The following HDAC7 variants were observed in gnomAD, a reference collection of about 807,000 sequenced individuals.
HDAC7 encodes the protein histone deacetylase 7A.
In HDAC7, 26 loss-of-function variants were observed where a neutral mutation model predicts 115.5. The ratio of observed to expected loss-of-function variants is 0.23; its 90% confidence interval spans 0.16 to 0.31. HDAC7 has a LOEUF of 0.31. Among genes scored for constraint, HDAC7 ranks in the 10% least tolerant of loss-of-function variants. The probability of loss-of-function intolerance (pLI) is 1.00; values close to 1 mark genes in which losing one functional copy is unlikely to be tolerated. For missense variants in HDAC7, 1,068 were observed against 1,329.0 expected (o/e 0.80, Z 3.05); for synonymous variants, 564 against 550.9 (o/e 1.02, Z -0.33).
At chr12:47,817,823 T>C (rs1944891120) in intron 1 of HDAC7, 1 of 152,282 alleles carries the variant, frequency 6.6e-6, no homozygotes. Context: ...TGGGCATGCT[T>C]GCCCACAGCT....
chr12:47,802,666 T>G (rs562453876), intron 1 of HDAC7, among the ~76,000 whole-genome samples: 5 of 150,912 alleles, frequency 3.3e-5, no homozygotes, highest in African/African-American at 1.2e-4. Flanking sequence ...AGAGGTGAGG[T>G]GGGGCCAGAG....
rs1451941465 is a variant in HDAC7 at position 47,786,634 on chromosome 12, A to C, written c.2523T>G (p.Ala841=). Residue 841 remains alanine (A), a synonymous_variant, in exon 22 of 26, where the codon GCT becomes GCG. Coordinates refer to ENST00000080059, the MANE Select transcript of HDAC7 (RefSeq NM_015401.5). Reference sequence around the variant, plus strand: ...CCAGTGGGGCCGGGTGACCCTCAGCAGCATCAAATCCAGCAGACACCAGGA... The same window carrying C: ...CCAGTGGGGCCGGGTGACCCTCAGCCGCATCAAATCCAGCAGACACCAGGA... ...DLVLVSAGFD[A]AEGHPAPLGG... 6.2e-7 allele frequency: 1 copy of C among 1,613,984 alleles called. No homozygotes were observed. The highest frequency in any genetic ancestry group is 8.5e-7 in the Non-Finnish European group (1 of 1,180,028).
In HDAC7 at chr12:47,783,824, C is replaced by T; in HGVS notation, c.*17G>A. On this transcript the variant is annotated 3_prime_UTR_variant, in exon 26 of 26. Coordinates refer to ENST00000080059, the MANE Select transcript of HDAC7 (RefSeq NM_015401.5). ...AGGTCCCAAGGGCATGGTGGGCGGG[C>T]AGATGGTTCCAGAGCCTTAGAGATT... 1 of 1,609,210 alleles carries T rather than the reference C, an allele frequency of 6.2e-7. No individual in the cohort carries two copies. The highest frequency in any genetic ancestry group is 8.5e-7 in the Non-Finnish European group (1 of 1,178,436).
chr12:47,793,386 G>C lies in HDAC7; in HGVS notation c.1661C>G (p.Thr554Ser). Residue 554 changes from threonine to serine, a missense_variant, in exon 13 of 26, where the codon ACC becomes AGC. Transcript: ENST00000080059. The surrounding 1 kb of genome is among the most constrained non-coding windows in gnomAD (Gnocchi z 4.5). Reference protein sequence around the residue: ...VLSSSETPARTLPFTTGLIYD... With the variant: ...VLSSSETPARSLPFTTGLIYD... The stretch of plus-strand genomic sequence containing the variant: ...GGTCTCACCTGTGGTGAAGGGCAGG[G>C]TCCTGGCAGGGGTCTCTGAGCTGGA... 1 of 1,548,864 alleles carries C rather than the reference G, an allele frequency of 6.5e-7. No individual in the cohort carries two copies. Among genetic ancestry groups the C allele is most frequent in the African/African-American group, 1.4e-5 (1 of 73,986 alleles).
chr12:47,784,746 T>G, intron 24 of HDAC7: 1 of 1,535,526 alleles, frequency 6.5e-7, no homozygotes, highest in Non-Finnish European at 8.7e-7. Context: ...ATGCTCCTCC[T>G]GCCTGCTGCT....
intron 1 of HDAC7, among the ~76,000 whole-genome samples, chr12:47,811,616 CCTGT>C (rs776878972): frequency 2.6e-5 from 4 of 152,172 alleles, no homozygotes; most frequent in South Asian, 2.1e-4. Context: ...GCTGGTCTGT[CCTGT>C]CTGAGTATCC....
intron 1 of HDAC7, among the ~76,000 whole-genome samples, chr12:47,816,382 G>A (rs576761216): frequency 1.3e-5 from 2 of 152,112 alleles, no homozygotes; most frequent in South Asian, 2.1e-4. Context: ...ACCCCACACA[G>A]GGCCATAACC....
chr12:47,789,983 G>A, intron 16 of HDAC7, 63 bp from the exon 17 acceptor site: 1 of 1,301,970 alleles, frequency 7.7e-7, no homozygotes, highest in South Asian at 1.2e-5. Flanking sequence ...AGGGCCCAAG[G>A]GGGTGGTCCC....
chr12:47,802,707 G>A (rs1432469655), intron 1 of HDAC7, among the ~76,000 whole-genome samples: 1 of 152,142 alleles, frequency 6.6e-6, no homozygotes, highest in East Asian at 1.9e-4. Context: ...GGATGGCTGG[G>A]GGGACAGGAG....
intron 2 of HDAC7, 33 bp from the exon 3 acceptor site, chr12:47,799,005 GAA>G: frequency 7.0e-7 from 1 of 1,422,160 alleles, no homozygotes; most frequent in East Asian, 2.5e-5. Context: ...GGGTAAACTG[GAA>G]AGTTTGTCCT....
rs1943371829 is a variant in HDAC7, at chr12:47,789,637, A to G, written c.2092-59T>C. On this transcript the variant is annotated intron_variant, in intron 17 of 25. Coordinates refer to ENST00000080059, the MANE Select transcript of HDAC7 (RefSeq NM_015401.5). ...ACAGCTCTGACCCACAGCTGCATGA[A>G]CGTACCCCAAGAGTTCCAATCTCAA... The G allele has an allele frequency of 5.7e-6, 9 of 1,575,224 alleles. No homozygotes were observed. In the East Asian group the frequency reaches 1.6e-4, roughly 27 times the overall value.
At position 47,797,244 on chromosome 12, in the gene HDAC7, G is replaced by T. The variant is rs1248813149; in HGVS notation, c.578-102C>A. On this transcript the variant is annotated intron_variant, in intron 6 of 25. Transcript: ENST00000080059. The surrounding 1 kb of genome is among the most constrained non-coding windows in gnomAD (Gnocchi z 5.5). ...TCTCTATCGGTCAAGGAAAGAGAAG[G>T]CAGAACTAGAAAGAAGATCCTAGCC... The T allele has an allele frequency of 3.8e-6, 6 of 1,558,978 alleles. No homozygotes were observed. The highest frequency in any genetic ancestry group is 2.2e-5 in the East Asian group (1 of 44,496).
rs1472492716 is a variant in HDAC7, at chr12:47,793,547, G to A, written c.1500C>T (p.Pro500=). Residue 500 remains proline, a synonymous_variant, in exon 13 of 26, where the codon CCC becomes CCT. Transcript: ENST00000080059. This position sits in a 1 kb window ranked among gnomAD's most constrained non-coding sequence, Gnocchi z 4.5. ...WEQQRLAGRL[P]RGSTGDTVLL... is the part of the protein sequence containing the mutation. Reference sequence around the variant, plus strand: ...GCACAGTGTCCCCGGTGCTGCCCCGGGGGAGCCGCCCAGCCAGTCGCTGCT... The same window carrying A: ...GCACAGTGTCCCCGGTGCTGCCCCGAGGGAGCCGCCCAGCCAGTCGCTGCT... The A allele has an allele frequency of 1.3e-6, 2 of 1,546,748 alleles. No individual in the cohort carries two copies. Among genetic ancestry groups the A allele is most frequent in the South Asian group, 1.2e-5 (1 of 83,904 alleles).
At position 47,797,410 on chromosome 12, in the gene HDAC7, G is replaced by T; in HGVS notation, c.551C>A (p.Pro184Gln). Residue 184 changes from proline to glutamine, a missense_variant, in exon 6 of 26, where the codon CCA (proline) becomes CAA (glutamine). Around this residue, in one of 6 missense-constraint regions of HDAC7, gnomAD observed 618 missense variants for 701.5 expected, o/e 0.88. Coordinates refer to ENST00000080059, the MANE Select transcript of HDAC7 (RefSeq NM_015401.5). This position sits in a 1 kb window ranked among gnomAD's most constrained non-coding sequence, Gnocchi z 5.5. ...PPVPSLPSDPPEHFPLRKTVS... is the reference protein window; with the variant it reads ...PPVPSLPSDPQEHFPLRKTVS... Reference sequence around the variant, plus strand: ...TGTCTTGCGCAGAGGGAAGTGCTCTGGGGGGTCACTGGGCAGGCTGGGAAC... The same window carrying T: ...TGTCTTGCGCAGAGGGAAGTGCTCTTGGGGGTCACTGGGCAGGCTGGGAAC... The T allele has an allele frequency of 6.2e-7, 1 of 1,614,010 alleles. No individual in the cohort carries two copies. The highest frequency in any genetic ancestry group is 8.5e-7 in the Non-Finnish European group (1 of 1,179,894).
chr12:47,809,389 GC>G (rs1334750256), intron 1 of HDAC7, among the ~76,000 whole-genome samples: 2 of 152,060 alleles, frequency 1.3e-5, no homozygotes, highest in Admixed American at 1.3e-4. Flanking sequence ...AGGCCACGCA[GC>G]CCATTCCCAA....
In HDAC7 at chr12:47,809,445, A is replaced by G. The variant is rs146706324; in HGVS notation, c.20-7171T>C. Among the ~76,000 whole-genome samples, 100 of 152,306 alleles carry G rather than the reference A, an allele frequency of 6.6e-4. 1 individual carries two copies. Among genetic ancestry groups the G allele is most frequent in the African/African-American group, 2.4e-3 (99 of 41,546 alleles). Reference sequence around the variant, plus strand: ...AAGTTACAATATCAACAATAGTTATATTATTTTAATTAATTAATAATATTA... The same window carrying G: ...AAGTTACAATATCAACAATAGTTATGTTATTTTAATTAATTAATAATATTA... On this transcript the variant is annotated intron_variant, in intron 1 of 25. Coordinates refer to ENST00000080059, the MANE Select transcript of HDAC7 (RefSeq NM_015401.5).
intron 19 of HDAC7, chr12:47,788,387 T>C: frequency 2.6e-6 from 1 of 386,730 alleles, no homozygotes. Context: ...TAATATGAGA[T>C]CCTGAAGGAG....
intron 19 of HDAC7, chr12:47,788,998 T>G: frequency 2.1e-6 from 1 of 474,374 alleles, no homozygotes; most frequent in Non-Finnish European, 3.8e-6. Context: ...AAGAAGCCAA[T>G]AGAGGTCAAA....
chr12:47,796,014 C>T lies in HDAC7; in HGVS notation c.798G>A (p.Ala266=), dbSNP rs376627238. 13 of 1,549,444 alleles carry T rather than the reference C, an allele frequency of 8.4e-6. No individual in the cohort carries two copies. Among genetic ancestry groups the T allele is most frequent in the African/African-American group, 5.5e-5 (4 of 73,008 alleles). ...HGPNPILGSE[A]LLGQRLRLQE... ...GCAGCCGCAGCCGCTGGCCCAAGAG[C>T]GCCTGCCATAGGGAGCAGGGCGAGG... The change falls in exon 9 of 26, where the codon GCG becomes GCA. Residue 266 remains alanine, a splice_region_variant and synonymous_variant. Transcript: ENST00000080059.
Sources: allele counts gnomAD v4.1 joint callset (sites outside exome capture counted in the v4.1 genomes callset), GRCh38; gene constraint gnomAD v4.1.1; regional missense constraint gnomAD v4.1.1; non-coding constraint Gnocchi (gnomAD v3.1); transcripts MANE v1.5; gene names NCBI Gene and HGNC (gene_info 2026-07-23, HGNC 2026-07-21).